Variants in PPM1M observed in about 807,000 individuals in gnomAD.
PPM1M encodes the protein protein phosphatase, Mg2+/Mn2+ dependent 1M, also known as protein phosphatase 1M.
A neutral mutation model predicts 50.8 loss-of-function variants in PPM1M; 44 were observed. The observed-to-expected ratio is 0.87, with a 90% CI of 0.68 to 1.11. The LOEUF is 1.11. Ranked by LOEUF, PPM1M falls within the 50% of genes most tolerant of loss-of-function variation. The pLI is 0.00. For synonymous variants in PPM1M, 224 were observed against 242.9 expected, an observed-to-expected ratio of 0.92 and a Z score of 0.72; for missense variants, 556 against 593.4, an observed-to-expected ratio of 0.94 and a Z score of 0.66.
At chr3:52,247,537 G>C in intron 3 of PPM1M, 145 bp from the exon 4 acceptor site, 1 of 683,198 alleles carries the variant, frequency 1.5e-6, no homozygotes, top group Non-Finnish European at 2.6e-6. Flanking sequence ...CCTGACTGCA[G>C]GGATCTTGGA....
In PPM1M at chr3:52,248,202, AC is replaced by A; in HGVS notation, c.764del (p.Pro255GlnfsTer32). The A allele has an allele frequency of 6.2e-7, 1 of 1,613,420 alleles. No homozygotes were observed. Among genetic ancestry groups the A allele is most frequent in the South Asian group, 1.1e-5 (1 of 90,958 alleles). On this transcript the variant is annotated frameshift_variant, in exon 5 of 10. Transcript: ENST00000323588. LOFTEE classifies it high-confidence loss of function. Reference protein sequence around the residue: ...DEIRPLSFEFTPETERQRIQQ... With the variant: ...DEIRPLSFEFXPETERQRIQQ... ...GATACGGCCACTGAGCTTCGAGTTC[AC>A]CCCAGAGACTGAGCGGCAGCGGATC...
At chr3:52,248,304 G>A (rs1475396924) in intron 5 of PPM1M, 31 bp from the exon 6 acceptor site, 2 of 1,605,274 alleles carry the variant, frequency 1.2e-6, no homozygotes, top group Admixed American at 1.7e-5. Flanking sequence ...ATAAGAAGGA[G>A]TATGACCTGA....
Position 52,245,847 on chromosome 3 carries a change from G to A in PPM1M, c.23G>A (p.Arg8His). The change falls in exon 1 of 10, where the codon CGC becomes CAC. Residue 8 changes from arginine (R) to histidine (H), a missense_variant. Physicochemically the swap from Arg to His is conservative, Grantham distance 29 (BLOSUM62 0). Coordinates refer to ENST00000323588, the MANE Select transcript of PPM1M (RefSeq NM_144641.4). The surrounding 1 kb of genome is among the most constrained non-coding windows in gnomAD (Gnocchi z 4.8). Reference sequence around the variant, plus strand: ...GCCATGTCCGCCGGCTGGTTCCGGCGCCGCTTCCTGCCTGGGGAGCCGCTC... The same window carrying A: ...GCCATGTCCGCCGGCTGGTTCCGGCACCGCTTCCTGCCTGGGGAGCCGCTC... MSAGWFR[R>H]RFLPGEPLPA... is the part of the protein sequence containing the mutation. 9.3e-7 allele frequency: 1 copy of A among 1,077,096 alleles called. No homozygotes were observed. Among genetic ancestry groups the A allele is most frequent in the Non-Finnish European group, 1.1e-6 (1 of 880,752 alleles). 66.7% of individuals were successfully genotyped at this position (1,077,096 alleles called of 1,614,324 possible).
intron 4 of PPM1M, 73 bp downstream of exon 4, chr3:52,247,867 T>G (rs1699888500): frequency 2.2e-5 from 21 of 963,064 alleles, no homozygotes; most frequent in Middle Eastern, 2.8e-4. Context: ...CAAGCAAAGG[T>G]GGCTGGAAGT....
In PPM1M at chr3:52,246,060, TC is replaced by T. The variant is rs1489273687; in HGVS notation, c.224+16del. The stretch of plus-strand genomic sequence containing the variant: ...GCAGGCTACGCCGAGTGAGTGCCCC[TC>T]CCCGACCCCCAGCTCAGGCCCGGGC... On this transcript the variant is annotated intron_variant, in intron 1 of 9. Coordinates refer to ENST00000323588, the MANE Select transcript of PPM1M (RefSeq NM_144641.4). 1.8e-6 allele frequency: 2 copies of T among 1,106,834 alleles called. No homozygotes were observed. Among genetic ancestry groups the T allele is most frequent in the South Asian group, 1.8e-5 (1 of 54,658 alleles). 68.6% of individuals were successfully genotyped at this position (1,106,834 alleles called of 1,614,324 possible). A position where few individuals can be genotyped will look rare whatever the true frequency, so the allele number is the denominator to read the frequency against.
In PPM1M at chr3:52,245,908, C is replaced by G. The variant is rs1699847213; in HGVS notation, c.84C>G (p.Pro28=). ...GGCCGCCTGGGCCGCATGCCAGCCC[C>G]GTGCCCTACCGACGGCCCCGCTTCC... is the stretch of plus-strand genomic sequence containing the variant. ...APRPPGPHAS[P]VPYRRPRFLR... The change falls in exon 1 of 10, where the codon CCC becomes CCG. Residue 28 remains proline (P), a synonymous_variant. Transcript: ENST00000323588. The surrounding 1 kb of genome is among the most constrained non-coding windows in gnomAD (Gnocchi z 4.8). 1 of 1,227,302 alleles carries G rather than the reference C, an allele frequency of 8.1e-7. No individual in the cohort carries two copies. The highest frequency in any genetic ancestry group is 1.3e-5 in the South Asian group (1 of 74,206). 76.0% of individuals were successfully genotyped at this position (1,227,302 alleles called of 1,614,324 possible).
Position 52,246,039 on chromosome 3 carries a change from G to A in PPM1M, c.215G>A (p.Gly72Asp), listed in dbSNP as rs1406122053. Residue 72 changes from glycine to aspartate, a missense_variant, in exon 1 of 10, where the codon GGC (glycine) becomes GAC (aspartate). By Grantham distance (94) the Gly-to-Asp change is moderately conservative. Transcript: ENST00000323588. The stretch of plus-strand genomic sequence containing the variant: ...GGACGCACGCTACCCTGGAATGCAG[G>A]CTACGCCGAGTGAGTGCCCCTCCCC... ...ARGRTLPWNA[G>D]YAEIINAEKS... 2 of 1,172,042 alleles carry A rather than the reference G, an allele frequency of 1.7e-6. No homozygotes were observed. The highest frequency in any genetic ancestry group is 2.2e-6 in the Non-Finnish European group (2 of 927,342). 72.6% of individuals were successfully genotyped at this position (1,172,042 alleles called of 1,614,324 possible).
In PPM1M at chr3:52,246,016, A is replaced by C. The variant is rs1439075405; in HGVS notation, c.192A>C (p.Gly64=). Residue 64 remains glycine, a synonymous_variant, in exon 1 of 10, where the codon GGA becomes GGC. Transcript: ENST00000323588. ...DSRPVRSPAR[G]RTLPWNAGYA... ...GGCCCGTGCGCAGCCCCGCACGAGG[A>C]CGCACGCTACCCTGGAATGCAGGCT... 1 of 1,227,486 alleles carries C rather than the reference A, an allele frequency of 8.1e-7. No individual in the cohort carries two copies. The highest frequency in any genetic ancestry group is 7.8e-5 in the East Asian group (1 of 12,776). The allele number at this position is 1,227,486 out of a possible 1,614,324, so 76.0% of individuals were successfully genotyped here.
rs941898237 is a variant in PPM1M at position 52,246,450 on chromosome 3, C to T, written c.225-245C>T. On this transcript the variant is annotated intron_variant, in intron 1 of 9. Coordinates refer to ENST00000323588, the MANE Select transcript of PPM1M (RefSeq NM_144641.4). The stretch of plus-strand genomic sequence containing the variant: ...GACAGGGGCAGGAATGGCAACCTAC[C>T]CTTACCGTCTAGCCCTGGGTCACCA... 3.6e-6 allele frequency: 3 copies of T among 838,728 alleles called. No homozygotes were observed. The East Asian group carries it at 2.0e-4, about 55-fold the overall frequency. 52.0% of individuals were successfully genotyped at this position (838,728 alleles called of 1,614,324 possible).
chr3:52,248,474 G>T, intron 6 of PPM1M, 21 bp downstream of exon 6: 1 of 1,606,050 alleles, frequency 6.2e-7, no homozygotes, highest in African/African-American at 1.3e-5. Context: ...ATGGGGGACA[G>T]GTAGGAAGGG....
rs562988121 is a variant in PPM1M, at chr3:52,249,853, G to A, written c.*39G>A. 6.3e-6 allele frequency: 10 copies of A among 1,583,040 alleles called. No individual in the cohort carries two copies. The highest frequency in any genetic ancestry group is 1.1e-5 in the South Asian group (1 of 89,202). ...GTATCCCAGAACTGCTCTAGTGCCC[G>A]GGTGTGGTCTGGGCATCCCTCCAGT... On this transcript the variant is annotated 3_prime_UTR_variant, in exon 10 of 10. Coordinates refer to ENST00000323588, the MANE Select transcript of PPM1M (RefSeq NM_144641.4).
chr3:52,249,483 G>A (rs1043728582), intron 9 of PPM1M, 161 bp downstream of exon 9: 75 of 1,262,632 alleles, frequency 5.9e-5, no homozygotes, highest in East Asian at 1.0e-4. Flanking sequence ...CGTGGGTTCC[G>A]AAAATCCCTG....
At chr3:52,247,941 G>A in intron 4 of PPM1M, 147 bp downstream of exon 4, 1 of 740,262 alleles carries the variant, frequency 1.4e-6, no homozygotes, top group African/African-American at 1.7e-5. Context: ...GTCGAGTGTG[G>A]ACAGTGGCTG....
chr3:52,248,056 C>A, intron 4 of PPM1M, 97 bp from the exon 5 acceptor site: 1 of 1,063,142 alleles, frequency 9.4e-7, no homozygotes, highest in Non-Finnish European at 1.4e-6. Flanking sequence ...ATGGACAGAG[C>A]TGGATCCTGG....
At position 52,245,959 on chromosome 3, in the gene PPM1M, G is replaced by C; in HGVS notation, c.135G>C (p.Gly45=). The C allele has an allele frequency of 8.0e-7, 1 of 1,248,888 alleles. No homozygotes were observed. Among genetic ancestry groups the C allele is most frequent in the Non-Finnish European group, 1.0e-6 (1 of 970,602 alleles). The allele number at this position is 1,248,888 out of a possible 1,614,324, so 77.4% of individuals were successfully genotyped here. ...RFLRGSSSSP[G]AADASRRPDS... is the part of the protein sequence containing the mutation. Reference sequence around the variant, plus strand: ...TTCGCGGCTCCAGCTCCAGCCCCGGGGCGGCCGACGCCTCGCGCCGCCCAG... The same window carrying C: ...TTCGCGGCTCCAGCTCCAGCCCCGGCGCGGCCGACGCCTCGCGCCGCCCAG... Residue 45 remains glycine (G), a synonymous_variant, in exon 1 of 10, where the codon GGG becomes GGC. Coordinates refer to ENST00000323588, the MANE Select transcript of PPM1M (RefSeq NM_144641.4). The surrounding 1 kb of genome is among the most constrained non-coding windows in gnomAD (Gnocchi z 4.8).
rs1577999838 is a variant in PPM1M at position 52,249,994 on chromosome 3, G to A, written c.*180G>A. On this transcript the variant is annotated 3_prime_UTR_variant, in exon 10 of 10. Coordinates refer to ENST00000323588, the MANE Select transcript of PPM1M (RefSeq NM_144641.4). The stretch of plus-strand genomic sequence containing the variant: ...CATTTATACCAGGCAGTCAGAGCTG[G>A]AAGTGTATGGAGAGCCCAGCCCACC... 2 of 611,896 alleles carry A rather than the reference G, an allele frequency of 3.3e-6. No individual in the cohort carries two copies. Among genetic ancestry groups the A allele is most frequent in the African/African-American group, 1.8e-5 (1 of 54,724 alleles). The allele number at this position is 611,896 out of a possible 1,614,324, so 37.9% of individuals were successfully genotyped here. A position where few individuals can be genotyped will look rare whatever the true frequency, so the allele number is the denominator to read the frequency against.
chr3:52,246,950 T>C, intron 2 of PPM1M, 24 bp from the exon 3 acceptor site: 1 of 1,529,226 alleles, frequency 6.5e-7, no homozygotes, highest in East Asian at 2.5e-5. Context: ...AGGCAGAGGC[T>C]GACACTGAGC....
chr3:52,247,448 A>G, intron 3 of PPM1M: 1 of 716,210 alleles, frequency 1.4e-6, no homozygotes, highest in South Asian at 1.9e-5. Flanking sequence ...TGCATCATCT[A>G]ATTGAATACC....
At chr3:52,248,611 G>T in intron 6 of PPM1M, 26 bp from the exon 7 acceptor site, 1 of 1,613,562 alleles carries the variant, frequency 6.2e-7, no homozygotes, top group Non-Finnish European at 8.5e-7. Flanking sequence ...CAGGGCTTGG[G>T]TTGATGCTGG....
Sources: allele counts gnomAD v4.1 joint callset, GRCh38; gene constraint gnomAD v4.1.1; non-coding constraint Gnocchi (gnomAD v3.1); transcripts MANE v1.5; gene names NCBI Gene and HGNC (gene_info 2026-07-23, HGNC 2026-07-21).